The following NUP133 variants were observed in gnomAD, a reference collection of about 807,000 sequenced individuals.
NUP133 encodes the protein nucleoporin 133.
NUP133 carries 66 observed loss-of-function variants against 146.2 expected under a neutral mutation model. The observed-to-expected ratio is 0.45, with a 90% CI of 0.37 to 0.55. NUP133 has a LOEUF of 0.55. Ranked by LOEUF, NUP133 falls within the 20% of genes least tolerant of loss-of-function variation. NUP133 has a pLI of 0.00. For missense variants in NUP133, 1,277 were observed against 1,374.8 expected, an observed-to-expected ratio of 0.93 and a Z score of 1.12; for synonymous variants, 521 against 498.8, an observed-to-expected ratio of 1.04 and a Z score of -0.59.
rs538680111 is a variant in NUP133 at position 229,443,982 on chromosome 1, TCTCC to T, written c.3334+928_3334+931del. Among the ~76,000 whole-genome samples the T allele has an allele frequency of 2.0e-5, 3 of 150,892 alleles. No homozygotes were observed. The South Asian group carries it at 6.3e-4, about 32-fold the overall frequency. ...TCTTGAACTACTGGGCTCAAGTGAT[TCTCC>T]CACCTTGGCCTCCCAAAGTGTGAGC... On this transcript the variant is annotated intron_variant, in intron 25 of 25. Coordinates refer to ENST00000261396, the MANE Select transcript of NUP133 (RefSeq NM_018230.3).
intron 16 of NUP133, among the ~76,000 whole-genome samples, chr1:229,466,213 G>A (rs1002154440): frequency 6.6e-6 from 1 of 152,102 alleles, no homozygotes; most frequent in Non-Finnish European, 1.5e-5. Context: ...TCTCAGTTCT[G>A]TAATCCCAAC....
rs534278465 is a variant in NUP133 at position 229,498,415 on chromosome 1, G to T, written c.649-109C>A. 43 of 710,614 alleles carry T rather than the reference G, an allele frequency of 6.1e-5. No homozygotes were observed. The African/African-American group carries it at 7.4e-4, about 12-fold the overall frequency. 44.0% of individuals were successfully genotyped at this position (710,614 alleles called of 1,614,324 possible). A position where few individuals can be genotyped will look rare whatever the true frequency, so the allele number is the denominator to read the frequency against. On this transcript the variant is annotated intron_variant, in intron 5 of 25. Transcript: ENST00000261396. ...CATCGTAATTGAAATAAATCTAAAA[G>T]AATACAAAATAGAACGTTGTTATTT...
chr1:229,448,874 G>A lies in NUP133; in HGVS notation c.3245+252C>T. On this transcript the variant is annotated intron_variant, in intron 24 of 25. Coordinates refer to ENST00000261396, the MANE Select transcript of NUP133 (RefSeq NM_018230.3). ...AGGAACACAGGCAAAACCCCCTGGT[G>A]CTTAAATTGGCATCAAAGTCAGGGG... is the stretch of plus-strand genomic sequence containing the variant. 5 of 491,502 alleles carry A rather than the reference G, an allele frequency of 1.0e-5. No individual in the cohort carries two copies. The South Asian group carries it at 1.2e-4, about 12-fold the overall frequency. The allele number at this position is 491,502 out of a possible 1,614,324, so 30.4% of individuals were successfully genotyped here. A position where few individuals can be genotyped will look rare whatever the true frequency, so the allele number is the denominator to read the frequency against.
At chr1:229,482,979 TA>T (rs1399285323) in intron 12 of NUP133, among the ~76,000 whole-genome samples, 1 of 152,186 alleles carries the variant, frequency 6.6e-6, no homozygotes, top group Non-Finnish European at 1.5e-5. Flanking sequence ...CTCCGAAAAG[TA>T]AAACTGCCCC....
chr1:229,458,285 T>C lies in NUP133; in HGVS notation c.2856A>G (p.Thr952=), dbSNP rs759309668. 1 of 1,612,544 alleles carries C rather than the reference T, an allele frequency of 6.2e-7. No individual in the cohort carries two copies. Among genetic ancestry groups the C allele is most frequent in the Non-Finnish European group, 8.5e-7 (1 of 1,179,204 alleles). The change falls in exon 21 of 26, where the codon ACA becomes ACG. Residue 952 remains threonine, a synonymous_variant. Coordinates refer to ENST00000261396, the MANE Select transcript of NUP133 (RefSeq NM_018230.3). ...NSQELEKAHA[T]LLGLANMETR... ...TTTCCATATTTGCCAAACCCAGAAG[T>C]GTTGCATGAGCCTACAATAAAATAT... is the stretch of plus-strand genomic sequence containing the variant.
chr1:229,461,246 T>A (rs115727383), intron 19 of NUP133, among the ~76,000 whole-genome samples: 1 of 151,644 alleles, frequency 6.6e-6, no homozygotes, highest in African/African-American at 2.4e-5. Flanking sequence ...GCTGGCCACA[T>A]GGCCTGGCAT....
At chr1:229,502,693 G>C (rs12033713) in intron 2 of NUP133, among the ~76,000 whole-genome samples, 23,753 of 151,388 alleles carry the variant, frequency 0.16, 2,391 homozygotes, top group Middle Eastern at 0.26. Flanking sequence ...GACATATTTA[G>C]GCCAGGCACA....
In NUP133 at chr1:229,444,967, T is replaced by A; in HGVS notation, c.3281A>T (p.Glu1094Val). Reference protein sequence around the residue: ...SSSDGKDDPIEVSKDSIFVKI... With the variant: ...SSSDGKDDPIVVSKDSIFVKI... Reference sequence around the variant, plus strand: ...CACAAATATACTGTCTTTAGATACTTCAATTGGATCATCTTTGCCATCAGA... The same window carrying A: ...CACAAATATACTGTCTTTAGATACTACAATTGGATCATCTTTGCCATCAGA... Residue 1094 changes from glutamate (E) to valine (V), a missense_variant, in exon 25 of 26, where the codon GAA (glutamate) becomes GTA (valine). Physicochemically the swap from Glu to Val is moderately radical, Grantham distance 121. Transcript: ENST00000261396. 1 of 1,612,818 alleles carries A rather than the reference T, an allele frequency of 6.2e-7. No individual in the cohort carries two copies. The highest frequency in any genetic ancestry group is 8.5e-7 in the Non-Finnish European group (1 of 1,179,284).
chr1:229,472,995 T>C (rs1302206759), intron 14 of NUP133, among the ~76,000 whole-genome samples: 1 of 152,012 alleles, frequency 6.6e-6, no homozygotes, highest in African/African-American at 2.4e-5. Flanking sequence ...CTCAGGCTTG[T>C]AATCCCAGCA....
intron 22 of NUP133, among the ~76,000 whole-genome samples, chr1:229,451,556 TA>T (rs1378895418): frequency 6.6e-6 from 1 of 152,258 alleles, no homozygotes; most frequent in African/African-American, 2.4e-5. Flanking sequence ...CTGTAATTTT[TA>T]TGGTCAGAAA....
intron 12 of NUP133, among the ~76,000 whole-genome samples, chr1:229,481,356 T>C (rs1292926642): frequency 1.3e-5 from 2 of 152,200 alleles, no homozygotes; most frequent in African/African-American, 4.8e-5. Flanking sequence ...ATAAGGTTTT[T>C]GCAGATACAA....
intron 22 of NUP133, 142 bp from the exon 23 acceptor site, chr1:229,450,747 A>G (rs533055791): frequency 3.0e-4 from 125 of 423,660 alleles, no homozygotes; most frequent in Non-Finnish European, 4.3e-4. Context: ...TTTTTTTGAG[A>G]CAAAGTCTTG....
chr1:229,452,085 C>T (rs1215389714), intron 22 of NUP133, among the ~76,000 whole-genome samples: 1 of 152,112 alleles, frequency 6.6e-6, no homozygotes, highest in Non-Finnish European at 1.5e-5. Flanking sequence ...GACTGCAGTC[C>T]GTATTCTGGC....
At chr1:229,495,675 AT>A in intron 7 of NUP133, 110 bp from the exon 8 acceptor site, 1 of 913,218 alleles carries the variant, frequency 1.1e-6, no homozygotes, top group South Asian at 1.6e-5. Flanking sequence ...CAGTTGCTGA[AT>A]AATGTATACA....
chr1:229,440,350 TAA>T lies in NUP133; in HGVS notation c.*1552_*1553del, dbSNP rs1660153279. On this transcript the variant is annotated 3_prime_UTR_variant, in exon 26 of 26. Coordinates refer to ENST00000261396, the MANE Select transcript of NUP133 (RefSeq NM_018230.3). ...CTACTAACTTAGAGAGAAACAGGAT[TAA>T]AAGAGGGAGCTTTTTCTTCCCTTGA... 1 of 152,218 alleles carries T rather than the reference TAA, an allele frequency of 6.6e-6. No homozygotes were observed. Among genetic ancestry groups the T allele is most frequent in the Non-Finnish European group, 1.5e-5 (1 of 68,032 alleles). 9.4% of individuals were successfully genotyped at this position (152,218 alleles called of 1,614,324 possible).
chr1:229,470,522 G>T, intron 15 of NUP133, 58 bp downstream of exon 15: 1 of 1,373,208 alleles, frequency 7.3e-7, no homozygotes, highest in Non-Finnish European at 1.0e-6. Context: ...TCCTGCCTAG[G>T]GCATGATCAC....
At position 229,481,523 on chromosome 1, in the gene NUP133, A is replaced by G. The variant is rs1661210948; in HGVS notation, c.1592+2531T>C. On this transcript the variant is annotated intron_variant, in intron 12 of 25. Coordinates refer to ENST00000261396, the MANE Select transcript of NUP133 (RefSeq NM_018230.3). ...GGAGTTTGAGCCCAGCCTGGCCAAC[A>G]TGGTGAAACCTCGTCTCTATTAAAA... Among the ~76,000 whole-genome samples the G allele has an allele frequency of 1.3e-5, 2 of 152,132 alleles. 1 individual carries two copies. The highest frequency in any genetic ancestry group is 2.9e-5 in the Non-Finnish European group (2 of 68,024).
chr1:229,457,617 G>A (rs1015233716), intron 21 of NUP133, among the ~76,000 whole-genome samples: 2 of 151,882 alleles, frequency 1.3e-5, no homozygotes, highest in Non-Finnish European at 2.9e-5. Context: ...CATTATTTTT[G>A]TTGTTTTAAT....
chr1:229,503,967 A>G (rs1448773318), intron 2 of NUP133, among the ~76,000 whole-genome samples: 1 of 146,926 alleles, frequency 6.8e-6, no homozygotes, highest in Non-Finnish European at 1.5e-5. Flanking sequence ...AAAAATATAC[A>G]CATATATACC....
Sources: gnomAD v4.1 joint callset for allele counts (sites outside exome capture counted in the v4.1 genomes callset) on GRCh38, gnomAD v4.1.1 for gene constraint, MANE v1.5 for transcripts, NCBI Gene and HGNC (gene_info 2026-07-23, HGNC 2026-07-21) for gene names.